FSTL4: variants seen among roughly 807,000 people sequenced by gnomAD.
The protein encoded by FSTL4 is follistatin like 4, also known as follistatin-related protein 4.
In FSTL4, 28 loss-of-function variants were observed where a neutral mutation model predicts 78.2. The ratio of observed to expected loss-of-function variants is 0.36; its 90% confidence interval spans 0.27 to 0.49. The LOEUF (loss-of-function observed/expected upper bound fraction) is 0.49. FSTL4 is among the 20% of genes least tolerant of loss of function. The pLI is 0.98. For missense variants in FSTL4, 922 were observed against 1,084.9 expected, an observed-to-expected ratio of 0.85 and a Z score of 2.11; for synonymous variants, 422 against 440.5, an observed-to-expected ratio of 0.96 and a Z score of 0.53.
intron 6 of FSTL4, among the ~76,000 whole-genome samples, chr5:133,293,288 T>C (rs568074438): frequency 3.3e-5 from 5 of 152,352 alleles, no homozygotes; most frequent in African/African-American, 1.2e-4. Flanking sequence ...CCTTTTCTGT[T>C]CCCACTTTTG....
the FSTL4 span, among the ~76,000 whole-genome samples, chr5:133,655,586 T>C: frequency 0.22 from 33,188 of 152,144 alleles, 3,855 homozygotes; most frequent in Admixed American, 0.29. Flanking sequence ...ACTGGGGATG[T>C]ATTGGTGAAC....
intron 7 of FSTL4, chr5:133,247,158 G>A (rs1375605090): frequency 6.6e-6 from 1 of 152,070 alleles, no homozygotes; most frequent in African/African-American, 2.4e-5. Flanking sequence ...TCGTGTAGGG[G>A]GTTCTGAGAA....
At chr5:133,643,829 A>G in the FSTL4 span, among the ~76,000 whole-genome samples, 1 of 152,202 alleles carries the variant, frequency 6.6e-6, no homozygotes, top group Non-Finnish European at 1.5e-5. Context: ...AGAAAATCGA[A>G]TGAAGCCAGT....
chr5:133,396,490 C>G (rs1470045255), intron 4 of FSTL4, among the ~76,000 whole-genome samples: 1 of 152,222 alleles, frequency 6.6e-6, no homozygotes, highest in African/African-American at 2.4e-5. Flanking sequence ...TACACTAAAT[C>G]CCCTATCAAT....
intron 14 of FSTL4, among the ~76,000 whole-genome samples, chr5:133,205,005 T>G (rs1750449942): frequency 6.6e-6 from 1 of 152,174 alleles, no homozygotes; most frequent in Admixed American, 6.5e-5. Flanking sequence ...TACTTTTTTT[T>G]TGTGATAATG....
At chr5:133,741,564 A>T in the FSTL4 span, among the ~76,000 whole-genome samples, 1 of 152,240 alleles carries the variant, frequency 6.6e-6, no homozygotes, top group Non-Finnish European at 1.5e-5. Flanking sequence ...GAGCGGGGGC[A>T]AGAAAAGTGG....
chr5:133,777,786 C>T, the FSTL4 span, among the ~76,000 whole-genome samples: 5 of 152,116 alleles, frequency 3.3e-5, no homozygotes, highest in African/African-American at 9.7e-5. Context: ...ATGGCTATTC[C>T]ACCACTTATT....
intron 3 of FSTL4, among the ~76,000 whole-genome samples, chr5:133,533,080 G>A (rs1159184914): frequency 3.9e-5 from 6 of 152,146 alleles, no homozygotes; most frequent in African/African-American, 1.2e-4. Flanking sequence ...AGAAACAGAG[G>A]GGACTTGTGG....
Position 133,527,472 on chromosome 5 carries a change from TACAC to T in FSTL4, c.160+39710_160+39713del, listed in dbSNP as rs3065527. On this transcript the variant is annotated intron_variant, in intron 3 of 15. Coordinates refer to ENST00000265342, the MANE Select transcript of FSTL4 (RefSeq NM_015082.2). ...TCTTTTGCTCTGAGATGTGCACGTG[TACAC>T]ACACACACACACACACACACACACA... 9.0e-3 allele frequency among the ~76,000 whole-genome samples: 812 copies of T among 90,622 alleles called. 4 individuals carry two copies. The highest frequency in any genetic ancestry group is 0.013 in the Non-Finnish European group (505 of 39,226). 59.5% of individuals were successfully genotyped at this position (90,622 alleles called of 152,430 possible).
chr5:133,296,651 T>G (rs1753402796), intron 6 of FSTL4, among the ~76,000 whole-genome samples: 1 of 152,176 alleles, frequency 6.6e-6, no homozygotes, highest in African/African-American at 2.4e-5. Flanking sequence ...AGGCTTTCCC[T>G]GGGCTATCGT....
intron 3 of FSTL4, among the ~76,000 whole-genome samples, chr5:133,431,811 G>T (rs1415237604): frequency 6.6e-6 from 1 of 152,088 alleles, no homozygotes; most frequent in Non-Finnish European, 1.5e-5. Flanking sequence ...AAAACAAAAC[G>T]CATTGGCCAC....
chr5:133,672,289 T>C, the FSTL4 span, among the ~76,000 whole-genome samples: 70 of 152,362 alleles, frequency 4.6e-4, no homozygotes, highest in Middle Eastern at 6.8e-3. Flanking sequence ...GTGCCGTAGA[T>C]AGTGATGGCT....
At chr5:133,773,154 C>A in the FSTL4 span, among the ~76,000 whole-genome samples, 2 of 151,040 alleles carry the variant, frequency 1.3e-5, no homozygotes, top group African/African-American at 4.9e-5. Context: ...TTTTTAATTA[C>A]AATTTTACCT....
chr5:133,561,496 CCT>C (rs1360295415), intron 3 of FSTL4, among the ~76,000 whole-genome samples: 1 of 152,088 alleles, frequency 6.6e-6, no homozygotes, highest in Non-Finnish European at 1.5e-5. Context: ...AAAGTTTCAC[CCT>C]CTGAGACGGT....
At chr5:133,522,677 A>G (rs888298294) in intron 3 of FSTL4, among the ~76,000 whole-genome samples, 28 of 152,200 alleles carry the variant, frequency 1.8e-4, no homozygotes, top group African/African-American at 5.3e-4. Context: ...TGATTATCCA[A>G]TTGACACGTT....
intron 6 of FSTL4, among the ~76,000 whole-genome samples, chr5:133,269,536 G>C (rs1265533950): frequency 6.6e-6 from 1 of 152,194 alleles, no homozygotes; most frequent in Non-Finnish European, 1.5e-5. Context: ...CGTGTCTCAG[G>C]GTCTAACGAT....
intron 6 of FSTL4, among the ~76,000 whole-genome samples, chr5:133,269,871 G>C (rs1174779060): frequency 6.6e-6 from 1 of 152,242 alleles, no homozygotes; most frequent in East Asian, 1.9e-4. Flanking sequence ...AAAGCTTAGA[G>C]AGGAGGTCTC....
At chr5:133,741,605 C>T in the FSTL4 span, among the ~76,000 whole-genome samples, 5 of 152,212 alleles carry the variant, frequency 3.3e-5, no homozygotes, top group Non-Finnish European at 7.3e-5. Flanking sequence ...TCCACTACAT[C>T]ACACAATGAA....
chr5:133,267,232 C>T (rs531353666), intron 6 of FSTL4, among the ~76,000 whole-genome samples: 3 of 152,228 alleles, frequency 2.0e-5, no homozygotes, highest in South Asian at 2.1e-4. Flanking sequence ...GGTGAGGAGG[C>T]GGGCACAGGA....
Sources: gnomAD v4.1 joint callset for allele counts (sites outside exome capture counted in the v4.1 genomes callset) on GRCh38, gnomAD v4.1.1 for gene constraint, MANE v1.5 for transcripts, NCBI Gene and HGNC (gene_info 2026-07-23, HGNC 2026-07-21) for gene names.